STK33: variants seen among roughly 807,000 people sequenced by gnomAD.
STK33 encodes serine/threonine kinase 33.
Under a neutral mutation model 58.0 loss-of-function variants are expected in STK33, and 52 were observed. The observed-to-expected ratio is 0.90, with a 90% CI of 0.72 to 1.13. The LOEUF (loss-of-function observed/expected upper bound fraction) is 1.13, where lower values mean the gene tolerates loss of function less well. STK33 is among the 50% of genes most tolerant of loss of function. STK33 has a pLI of 0.00. For synonymous variants in STK33, 215 were observed against 200.1 expected, an observed-to-expected ratio of 1.07 and a Z score of -0.63; for missense variants, 630 against 604.2, an observed-to-expected ratio of 1.04 and a Z score of -0.45.
the STK33 span, among the ~76,000 whole-genome samples, chr11:8,376,591 G>C: frequency 6.6e-6 from 1 of 151,818 alleles, no homozygotes; most frequent in African/African-American, 2.4e-5. Context: ...CACCAGGCTG[G>C]AGTGCAGTGG....
At chr11:8,406,142 CAAAAAAAAAAAAA>C (rs59336494) in intron 15 of STK33, among the ~76,000 whole-genome samples, 2 of 94,700 alleles carry the variant, frequency 2.1e-5, no homozygotes, top group African/African-American at 6.4e-5. Context: ...GACTCCGTCT[CAAAAAAAAAAAAA>C]AAAAAAAAAA....
intron 13 of STK33, 105 bp from the exon 14 acceptor site, chr11:8,435,684 C>T (rs1260830059): frequency 5.9e-5 from 33 of 554,624 alleles, no homozygotes; most frequent in South Asian, 1.4e-4. Flanking sequence ...AAGAAAGATG[C>T]CAAGTGTACA....
At position 8,441,844 on chromosome 11, in the gene STK33, AGTAT is replaced by A. The variant is rs556841015; in HGVS notation, c.872-1095_872-1092del. Among the ~76,000 whole-genome samples, 22 of 152,336 alleles carry A rather than the reference AGTAT, an allele frequency of 1.4e-4. No individual in the cohort carries two copies. In the East Asian group the frequency reaches 4.2e-3, roughly 29 times the overall value. ...TTTGCATAAATTGTTATTTGTATGA[AGTAT>A]GTTAAGAATTCTGTGAGATAGATAC... On this transcript the variant is annotated intron_variant, in intron 11 of 15. Transcript: ENST00000687296.
At chr11:8,542,828 G>A (rs1955625139) in intron 1 of STK33, among the ~76,000 whole-genome samples, 1 of 152,042 alleles carries the variant, frequency 6.6e-6, no homozygotes, top group South Asian at 2.1e-4. Context: ...TCCCCACTTA[G>A]TCTCCTGAGT....
intron 11 of STK33, among the ~76,000 whole-genome samples, chr11:8,449,965 TTA>T (rs1363417627): frequency 6.6e-6 from 1 of 152,084 alleles, no homozygotes; most frequent in Non-Finnish European, 1.5e-5. Context: ...GGAGTGCAAA[TTA>T]GTTCAACCAT....
chr11:8,410,896 T>C (rs1940126281), intron 15 of STK33, among the ~76,000 whole-genome samples: 2 of 152,256 alleles, frequency 1.3e-5, no homozygotes, highest in South Asian at 4.1e-4. Flanking sequence ...TTGTATTGCA[T>C]CTAGAGATTC....
the STK33 span, among the ~76,000 whole-genome samples, chr11:8,368,148 A>G: frequency 1.3e-5 from 2 of 151,946 alleles, no homozygotes; most frequent in South Asian, 4.2e-4. Flanking sequence ...CACTTCAAAA[A>G]CCTCAGTATA....
chr11:8,354,517 C>CACACACACACACACACACACACACACA, the STK33 span, among the ~76,000 whole-genome samples: 23 of 146,206 alleles, frequency 1.6e-4, no homozygotes, highest in South Asian at 2.2e-4. Context: ...CACACACACA[C>CACACACACACACACACACACACACACA]CCCTCAGACA....
chr11:8,552,657 G>C (rs1480517257), intron 1 of STK33, among the ~76,000 whole-genome samples: 1 of 151,932 alleles, frequency 6.6e-6, no homozygotes, highest in African/African-American at 2.4e-5. Context: ...GGTCTACACA[G>C]GATAAGGATC....
chr11:8,571,105 C>G (rs930668473), intron 1 of STK33, among the ~76,000 whole-genome samples: 2 of 152,152 alleles, frequency 1.3e-5, no homozygotes, highest in Non-Finnish European at 2.9e-5. Context: ...CACATAGAAG[C>G]AGTTTCCAGA....
intron 1 of STK33, among the ~76,000 whole-genome samples, chr11:8,489,796 A>C (rs1241001440): frequency 2.6e-5 from 4 of 152,234 alleles, no homozygotes; most frequent in Non-Finnish European, 5.9e-5. Flanking sequence ...TTCTGGAGTT[A>C]AAAAGCATAA....
intron 3 of STK33, 59 bp from the exon 4 acceptor site, chr11:8,476,810 C>T (rs894554159): frequency 5.9e-5 from 9 of 152,114 alleles, no homozygotes; most frequent in Admixed American, 2.6e-4. Flanking sequence ...CAAAGCCATC[C>T]GGTTCATTTT....
At chr11:8,431,595 C>T (rs958208297) in intron 14 of STK33, among the ~76,000 whole-genome samples, 3 of 152,036 alleles carry the variant, frequency 2.0e-5, no homozygotes, top group Non-Finnish European at 2.9e-5. Flanking sequence ...TCTTTGTACC[C>T]CTCTAGTACC....
In STK33 at chr11:8,449,247, T is replaced by C. The variant is rs187544003; in HGVS notation, c.871+3575A>G. Among the ~76,000 whole-genome samples the C allele has an allele frequency of 1.1e-3, 174 of 151,636 alleles. 6 individuals are homozygous for C. The highest frequency in any genetic ancestry group is 4.2e-3 in the African/African-American group (170 of 40,948). On this transcript the variant is annotated intron_variant, in intron 11 of 15. Transcript: ENST00000687296. ...TGGCGATTCCTCAGTGATCTAGAAC[T>C]AGAAATACCATTTGACCCAGCCATC...
chr11:8,407,384 T>A (rs1351119139), intron 15 of STK33, among the ~76,000 whole-genome samples: 1 of 152,108 alleles, frequency 6.6e-6, no homozygotes, highest in Admixed American at 6.5e-5. Flanking sequence ...TTGGGAAATA[T>A]TCTCAAGAGT....
intron 1 of STK33, among the ~76,000 whole-genome samples, chr11:8,549,730 T>G (rs575762476): frequency 1.3e-5 from 2 of 152,132 alleles, no homozygotes; most frequent in African/African-American, 2.4e-5. Context: ...ATATAGGAAT[T>G]TATTCATTTC....
At chr11:8,486,213 A>G (rs146672637) in intron 1 of STK33, among the ~76,000 whole-genome samples, 80 of 152,340 alleles carry the variant, frequency 5.3e-4, no homozygotes, top group African/African-American at 1.8e-3. Context: ...AAACCACTTC[A>G]GTGGCTCCCA....
At chr11:8,474,174 TC>T (rs1424639541) in intron 5 of STK33, among the ~76,000 whole-genome samples, 1 of 147,754 alleles carries the variant, frequency 6.8e-6, no homozygotes, top group East Asian at 2.0e-4. Flanking sequence ...AAACTCCAAT[TC>T]AAAAAAAAAA....
the STK33 span, among the ~76,000 whole-genome samples, chr11:8,374,527 G>T: frequency 6.6e-6 from 1 of 152,200 alleles, no homozygotes; most frequent in South Asian, 2.1e-4. Flanking sequence ...GAAAGAGAGA[G>T]AGAGACAGAG....
Sources: gnomAD v4.1 joint callset for allele counts (sites outside exome capture counted in the v4.1 genomes callset) on GRCh38, gnomAD v4.1.1 for gene constraint, MANE v1.5 for transcripts, NCBI Gene and HGNC (gene_info 2026-07-23, HGNC 2026-07-21) for gene names.